L3MBTL3: variants seen among roughly 807,000 people sequenced by gnomAD.
The protein encoded by L3MBTL3 is lethal(3)malignant brain tumor-like protein 3.
Under a neutral mutation model 102.3 loss-of-function variants are expected in L3MBTL3, and 27 were observed. The ratio of observed to expected loss-of-function variants is 0.26; its 90% confidence interval spans 0.19 to 0.36. The LOEUF (loss-of-function observed/expected upper bound fraction) is 0.36. Among genes scored for constraint, L3MBTL3 ranks in the 10% least tolerant of loss-of-function variants. The probability of loss-of-function intolerance (pLI) is 1.00; values close to 1 mark genes in which losing one functional copy is unlikely to be tolerated. For synonymous variants in L3MBTL3, 340 were observed against 320.9 expected (o/e 1.06, Z -0.64); for missense variants, 798 against 955.3 (o/e 0.84, Z 2.17).
chr6:130,040,234 CAGG>C (rs1780336264), intron 2 of L3MBTL3, among the ~76,000 whole-genome samples: 1 of 151,282 alleles, frequency 6.6e-6, no homozygotes, highest in Admixed American at 6.6e-5. Flanking sequence ...GAGGCTGAGG[CAGG>C]AGAATTGCTT....
At chr6:130,107,110 T>C (rs1785030839) in intron 19 of L3MBTL3, among the ~76,000 whole-genome samples, 1 of 152,178 alleles carries the variant, frequency 6.6e-6, no homozygotes, top group South Asian at 2.1e-4. Context: ...CAATTTGTCC[T>C]AGTGTCATGA....
rs1787255708 is a variant in L3MBTL3, at chr6:130,133,287, G to A, written c.1967-165G>A. The A allele has an allele frequency of 1.6e-6, 1 of 607,204 alleles. No individual in the cohort carries two copies. The highest frequency in any genetic ancestry group is 2.8e-6 in the Non-Finnish European group (1 of 353,384). The allele number at this position is 607,204 out of a possible 1,614,324, so 37.6% of individuals were successfully genotyped here. On this transcript the variant is annotated intron_variant, in intron 20 of 22. Coordinates refer to ENST00000361794, the MANE Select transcript of L3MBTL3 (RefSeq NM_032438.4). This position sits in a 1 kb window ranked among gnomAD's most constrained non-coding sequence, Gnocchi z 4.9. Reference sequence around the variant, plus strand: ...GAATTTACAGGTTGTTTTTTATAGTGACCTTCAGTAAAGACAAAGAAGAGC... The same window carrying A: ...GAATTTACAGGTTGTTTTTTATAGTAACCTTCAGTAAAGACAAAGAAGAGC...
chr6:130,053,483 AAATTAGGTAGGCG>A (rs1411138386), intron 7 of L3MBTL3, among the ~76,000 whole-genome samples: 1 of 151,948 alleles, frequency 6.6e-6, no homozygotes, highest in Non-Finnish European at 1.5e-5. Flanking sequence ...AAAATACAAA[AAATTAGGTAGGCG>A]TGGTGGCAGG....
At chr6:130,073,987 T>C (rs1025704577) in intron 13 of L3MBTL3, among the ~76,000 whole-genome samples, 14 of 152,202 alleles carry the variant, frequency 9.2e-5, no homozygotes, top group Non-Finnish European at 1.8e-4. Context: ...CAATGGAAAT[T>C]GTTTAAGTGC....
At chr6:130,119,965 A>G (rs1410164654) in intron 19 of L3MBTL3, among the ~76,000 whole-genome samples, 3 of 152,170 alleles carry the variant, frequency 2.0e-5, no homozygotes, top group South Asian at 2.1e-4. Flanking sequence ...ATTTTGTTTC[A>G]AATGTATTTG....
At chr6:130,083,379 T>C (rs62421349) in intron 14 of L3MBTL3, among the ~76,000 whole-genome samples, 8,136 of 151,944 alleles carry the variant, frequency 0.054, 332 homozygotes, top group Admixed American at 0.14. Flanking sequence ...AGACTGTCTT[T>C]ATCTGAAAAT....
intron 2 of L3MBTL3, among the ~76,000 whole-genome samples, chr6:130,034,932 T>TC (rs1333104128): frequency 1.3e-5 from 2 of 152,186 alleles, no homozygotes; most frequent in Non-Finnish European, 2.9e-5. Context: ...GTACACCTCC[T>TC]CCTCTCATCC....
chr6:130,139,251 T>C (rs908925042), intron 22 of L3MBTL3, among the ~76,000 whole-genome samples: 1 of 152,224 alleles, frequency 6.6e-6, no homozygotes, highest in Non-Finnish European at 1.5e-5. Flanking sequence ...GTACCTGTTA[T>C]CTCTTCTAAT....
intron 3 of L3MBTL3, among the ~76,000 whole-genome samples, chr6:130,047,426 C>T (rs1780793945): frequency 6.6e-6 from 1 of 152,132 alleles, no homozygotes; most frequent in African/African-American, 2.4e-5. Flanking sequence ...TGTCATAGTT[C>T]TGAGTTCTGA....
intron 2 of L3MBTL3, among the ~76,000 whole-genome samples, chr6:130,033,754 A>G (rs191393789): frequency 2.0e-3 from 306 of 152,322 alleles, no homozygotes; most frequent in Non-Finnish European, 3.5e-3. Flanking sequence ...ATTTTTGAAA[A>G]ATGTACTTGT....
chr6:130,089,450 T>G (rs1173557991), intron 16 of L3MBTL3, among the ~76,000 whole-genome samples: 1 of 150,994 alleles, frequency 6.6e-6, no homozygotes, highest in African/African-American at 2.5e-5. Context: ...CCACATTTTC[T>G]TAATCCAGTC....
intron 19 of L3MBTL3, 70 bp from the exon 20 acceptor site, chr6:130,120,809 G>T: frequency 9.1e-7 from 1 of 1,102,480 alleles, no homozygotes; most frequent in South Asian, 1.3e-5. Flanking sequence ...AGCACTTGTT[G>T]AGATGTAGTT....
At chr6:130,121,864 G>A (rs950333219) in intron 20 of L3MBTL3, among the ~76,000 whole-genome samples, 50 of 152,130 alleles carry the variant, frequency 3.3e-4, no homozygotes, top group African/African-American at 1.1e-3. Flanking sequence ...TGGCCAACAC[G>A]GTGAAACCCC....
chr6:130,135,852 G>A (rs1787597967), intron 22 of L3MBTL3, among the ~76,000 whole-genome samples: 1 of 152,118 alleles, frequency 6.6e-6, no homozygotes, highest in Non-Finnish European at 1.5e-5. Context: ...ATGAAACCTA[G>A]TCCTTGTTCT....
chr6:130,034,037 C>T, intron 2 of L3MBTL3, among the ~76,000 whole-genome samples: 1 of 152,198 alleles, frequency 6.6e-6, no homozygotes. Context: ...CTGCTTATAT[C>T]TCAGAGGACT....
At chr6:130,084,862 C>T (rs945638460) in intron 15 of L3MBTL3, among the ~76,000 whole-genome samples, 12 of 152,222 alleles carry the variant, frequency 7.9e-5, no homozygotes, top group African/African-American at 2.9e-4. Context: ...CAGGGTCTTG[C>T]TTTGTTGCCC....
At chr6:130,020,801 C>G (rs569469737) in intron 1 of L3MBTL3, 126 of 151,372 alleles carry the variant, frequency 8.3e-4, no homozygotes, top group Middle Eastern at 3.4e-3. Context: ...CTTCCTCGGG[C>G]GCTGTGAGCA....
At chr6:130,020,651 C>T (rs1360087400) in intron 1 of L3MBTL3, 1 of 152,172 alleles carries the variant, frequency 6.6e-6, no homozygotes, top group African/African-American at 2.4e-5. Flanking sequence ...CTACCCCACC[C>T]TTCCACGGGA....
chr6:130,085,967 G>C (rs555371614), intron 15 of L3MBTL3, among the ~76,000 whole-genome samples, 173 bp from the exon 16 acceptor site: 43 of 151,866 alleles, frequency 2.8e-4, no homozygotes, highest in African/African-American at 1.0e-3. Flanking sequence ...TGGCCAGGCT[G>C]GTCTCAAACT....
Sources: allele counts gnomAD v4.1 joint callset (sites outside exome capture counted in the v4.1 genomes callset), GRCh38; gene constraint gnomAD v4.1.1; non-coding constraint Gnocchi (gnomAD v3.1); transcripts MANE v1.5; gene names NCBI Gene and HGNC (gene_info 2026-07-23, HGNC 2026-07-21).